The following SH3RF3 variants were observed in gnomAD, a reference collection of about 807,000 sequenced individuals.
SH3RF3 encodes E3 ubiquitin-protein ligase SH3RF3.
A neutral mutation model predicts 66.3 loss-of-function variants in SH3RF3; 29 were observed. The observed-to-expected ratio is 0.44, with a 90% CI of 0.33 to 0.60. SH3RF3 has a LOEUF of 0.60. SH3RF3 is among the 20% of genes least tolerant of loss of function. The probability of loss-of-function intolerance (pLI) is 0.04; values close to 1 mark genes in which losing one functional copy is unlikely to be tolerated. For synonymous variants in SH3RF3, 583 were observed against 532.0 expected, an observed-to-expected ratio of 1.10 and a Z score of -1.32; for missense variants, 1,194 against 1,190.9, an observed-to-expected ratio of 1.00 and a Z score of -0.04.
chr2:109,199,607 T>TCAACCC (rs1558953948), intron 1 of SH3RF3, among the ~76,000 whole-genome samples: 4 of 276 alleles, frequency 0.014, no homozygotes, highest in Non-Finnish European at 0.021. Context: ...TGGAATGGAA[T>TCAACCC]GGAATGGAAT....
intron 1 of SH3RF3, among the ~76,000 whole-genome samples, chr2:109,138,870 A>G (rs1020519549): frequency 6.6e-6 from 1 of 152,234 alleles, no homozygotes; most frequent in African/African-American, 2.4e-5. Context: ...TAAGCACTGG[A>G]ATATACATTG....
At chr2:109,372,173 G>A (rs1683286893) in intron 3 of SH3RF3, among the ~76,000 whole-genome samples, 1 of 152,238 alleles carries the variant, frequency 6.6e-6, no homozygotes, top group Non-Finnish European at 1.5e-5. Context: ...TGCCTGAGAG[G>A]CACCACAGCA....
chr2:109,216,566 C>G (rs879531722), intron 1 of SH3RF3, among the ~76,000 whole-genome samples: 1 of 152,136 alleles, frequency 6.6e-6, no homozygotes, highest in Non-Finnish European at 1.5e-5. Context: ...ACACACAGCC[C>G]GAAGCCTGAG....
intron 7 of SH3RF3, among the ~76,000 whole-genome samples, chr2:109,447,624 T>C (rs1677746923): frequency 6.6e-6 from 1 of 152,138 alleles, no homozygotes; most frequent in South Asian, 2.1e-4. Context: ...AGGTCTCCAC[T>C]TGGGCCAGAA....
intron 1 of SH3RF3, among the ~76,000 whole-genome samples, chr2:109,230,917 G>T (rs879388631): frequency 7.9e-5 from 12 of 152,198 alleles, no homozygotes; most frequent in Non-Finnish European, 1.8e-4. Context: ...TCGGCTAAGG[G>T]ACAGCTCAAA....
At chr2:109,326,129 A>G (rs752865312) in intron 1 of SH3RF3, among the ~76,000 whole-genome samples, 1 of 152,216 alleles carries the variant, frequency 6.6e-6, no homozygotes, top group Non-Finnish European at 1.5e-5. Context: ...ATGTGGGTCT[A>G]CATTGTTTAT....
chr2:109,230,691 G>C (rs182571734), intron 1 of SH3RF3, among the ~76,000 whole-genome samples: 1 of 152,172 alleles, frequency 6.6e-6, no homozygotes, highest in Non-Finnish European at 1.5e-5. Flanking sequence ...ATCGTAAGTC[G>C]GGGATCATCA....
intron 1 of SH3RF3, among the ~76,000 whole-genome samples, chr2:109,177,320 T>C (rs1297974132): frequency 6.6e-6 from 1 of 152,140 alleles, no homozygotes; most frequent in African/African-American, 2.4e-5. Context: ...TTCTTTTATA[T>C]CTACTAAGAA....
intron 1 of SH3RF3, among the ~76,000 whole-genome samples, chr2:109,161,727 C>A (rs1331144095): frequency 6.6e-6 from 1 of 151,828 alleles, no homozygotes; most frequent in Non-Finnish European, 1.5e-5. Context: ...ACATGCCAGG[C>A]TTTTTGTAAC....
At chr2:109,375,207 C>T (rs77723901) in intron 3 of SH3RF3, among the ~76,000 whole-genome samples, 3,015 of 152,392 alleles carry the variant, frequency 0.02, 36 homozygotes, top group Non-Finnish European at 0.028. Flanking sequence ...CCGGAGATAC[C>T]TCACTCCCTG....
chr2:109,253,628 G>T lies in SH3RF3; in HGVS notation c.574-94046G>T, dbSNP rs1440087370. 3.3e-5 allele frequency among the ~76,000 whole-genome samples: 5 copies of T among 152,154 alleles called. No homozygotes were observed. In the East Asian group the frequency reaches 9.7e-4, roughly 29 times the overall value. On this transcript the variant is annotated intron_variant, in intron 1 of 9. Transcript: ENST00000309415. ...CAGTCTTTCGGTTTAGCCTGTGCTT[G>T]GGGCTGTGCTTAGAATTTTGATAAA... is the stretch of plus-strand genomic sequence containing the variant.
At chr2:109,247,942 C>T (rs748777994) in intron 1 of SH3RF3, among the ~76,000 whole-genome samples, 2 of 152,170 alleles carry the variant, frequency 1.3e-5, no homozygotes, top group Non-Finnish European at 2.9e-5. Flanking sequence ...CAGACTCCAA[C>T]GTGCAAGCGC....
At chr2:109,284,790 G>C (rs1680987596) in intron 1 of SH3RF3, among the ~76,000 whole-genome samples, 1 of 152,148 alleles carries the variant, frequency 6.6e-6, no homozygotes, top group South Asian at 2.1e-4. Flanking sequence ...TGTGCTTAAG[G>C]ATGTGTGGCC....
At chr2:109,361,535 G>A (rs528885102) in intron 2 of SH3RF3, among the ~76,000 whole-genome samples, 14 of 152,088 alleles carry the variant, frequency 9.2e-5, no homozygotes, top group Middle Eastern at 3.4e-3. Flanking sequence ...GTGCAGTGGC[G>A]CGATCTTGGC....
At chr2:109,491,370 A>C (rs560316110) in intron 9 of SH3RF3, among the ~76,000 whole-genome samples, 10 of 152,296 alleles carry the variant, frequency 6.6e-5, no homozygotes, top group African/African-American at 2.4e-4. Context: ...TCGGCGTCTT[A>C]GAATTGTGAT....
intron 3 of SH3RF3, among the ~76,000 whole-genome samples, chr2:109,374,708 C>T (rs1683343300): frequency 6.6e-6 from 1 of 152,246 alleles, no homozygotes; most frequent in Non-Finnish European, 1.5e-5. Flanking sequence ...CTCACGTAAG[C>T]TTGGATTGCA....
chr2:109,295,203 C>G (rs1002768319), intron 1 of SH3RF3, among the ~76,000 whole-genome samples: 1 of 152,240 alleles, frequency 6.6e-6, no homozygotes, highest in Non-Finnish European at 1.5e-5. Flanking sequence ...GATGAGCGAG[C>G]TCATGGCAGG....
At chr2:109,364,255 T>C (rs1683113631) in intron 2 of SH3RF3, among the ~76,000 whole-genome samples, 1 of 152,082 alleles carries the variant, frequency 6.6e-6, no homozygotes, top group Non-Finnish European at 1.5e-5. Flanking sequence ...TCCTCAACTG[T>C]GTCCAGTCTC....
At chr2:109,350,659 T>C (rs1021318367) in intron 2 of SH3RF3, among the ~76,000 whole-genome samples, 1 of 152,126 alleles carries the variant, frequency 6.6e-6, no homozygotes, top group Admixed American at 6.5e-5. Flanking sequence ...GTTCCTGTTT[T>C]CCCCCACGGT....
Sources: gnomAD v4.1 joint callset for allele counts (sites outside exome capture counted in the v4.1 genomes callset) on GRCh38, gnomAD v4.1.1 for gene constraint, MANE v1.5 for transcripts, NCBI Gene and HGNC (gene_info 2026-07-23, HGNC 2026-07-21) for gene names.